The following EPC1 variants were observed in gnomAD, a reference collection of about 807,000 sequenced individuals.
EPC1 encodes the protein enhancer of polycomb homolog 1.
EPC1 carries 12 observed loss-of-function variants against 98.4 expected under a neutral mutation model. The ratio of observed to expected loss-of-function variants is 0.12; its 90% CI spans 0.08 to 0.20. The LOEUF (loss-of-function observed/expected upper bound fraction) is 0.20. Among genes scored for constraint, EPC1 ranks in the 10% least tolerant of loss-of-function variants. The pLI is 1.00. For missense variants in EPC1, 729 were observed against 990.5 expected (o/e 0.74, Z 3.54); for synonymous variants, 357 against 363.9 (o/e 0.98, Z 0.21).
intron 1 of EPC1, chr10:32,345,041 CCAA>C: frequency 1.5e-6 from 1 of 679,298 alleles, no homozygotes; most frequent in Non-Finnish European, 1.8e-6. Flanking sequence ...CAGGGTAAAA[CCAA>C]CACCCCAATA....
At chr10:32,364,001 CATTTTTTTTTTTTTTTTTT>C (rs1839521375) in intron 1 of EPC1, among the ~76,000 whole-genome samples, 2 of 61,840 alleles carry the variant, frequency 3.2e-5, no homozygotes, top group Non-Finnish European at 3.1e-5. Flanking sequence ...ATCATGTTGG[CATTTTTTTTTTTTTTTTTT>C]TTTTTTTTTT....
chr10:32,308,771 C>G (rs1836024598), intron 1 of EPC1, among the ~76,000 whole-genome samples: 1 of 152,190 alleles, frequency 6.6e-6, no homozygotes, highest in Non-Finnish European at 1.5e-5. Context: ...ATTCAGCAAT[C>G]TCACTGCTAG....
At chr10:32,288,403 C>T (rs1836812824) in intron 6 of EPC1, among the ~76,000 whole-genome samples, 1 of 151,020 alleles carries the variant, frequency 6.6e-6, no homozygotes, top group Admixed American at 6.6e-5. Context: ...CAATCTCCGC[C>T]TCCCAGGTTC....
intron 1 of EPC1, among the ~76,000 whole-genome samples, chr10:32,325,622 G>A (rs1285493073): frequency 6.6e-6 from 1 of 152,156 alleles, no homozygotes; most frequent in Non-Finnish European, 1.5e-5. Flanking sequence ...TAATATTTAA[G>A]ATGTTCCCTA....
At chr10:32,311,535 A>C (rs1325969157) in intron 1 of EPC1, among the ~76,000 whole-genome samples, 1 of 149,668 alleles carries the variant, frequency 6.7e-6, no homozygotes, top group Admixed American at 6.6e-5. Context: ...AAAAAAAAAC[A>C]ACAAAAACCT....
intron 1 of EPC1, among the ~76,000 whole-genome samples, chr10:32,313,679 A>C (rs1836378652): frequency 6.6e-6 from 1 of 152,130 alleles, no homozygotes; most frequent in South Asian, 2.1e-4. Context: ...TCACCTGAGG[A>C]GTTTGAGACC....
At chr10:32,337,033 A>AT (rs987907179) in intron 1 of EPC1, among the ~76,000 whole-genome samples, 1 of 152,026 alleles carries the variant, frequency 6.6e-6, no homozygotes, top group African/African-American at 2.4e-5. Flanking sequence ...ATGCCTGATA[A>AT]TTTTTTATTG....
chr10:32,284,718 C>T lies in EPC1; in HGVS notation c.1724G>A (p.Ser575Asn). Reference sequence around the variant, plus strand: ...CATACCAAAGTGTGCTGAACCACTGCTACTTTTACTTTGCGTAGAGGTACT... The same window carrying T: ...CATACCAAAGTGTGCTGAACCACTGTTACTTTTACTTTGCGTAGAGGTACT... ...TCSTSTQSKS[S>N]SGSAHFAFTA... The change falls in exon 10 of 14, where the codon AGC (serine) becomes AAC (asparagine). Residue 575 changes from serine (S) to asparagine (N), a missense_variant. Transcript: ENST00000319778. The T allele has an allele frequency of 6.2e-7, 1 of 1,612,992 alleles. No homozygotes were observed. The highest frequency in any genetic ancestry group is 8.5e-7 in the Non-Finnish European group (1 of 1,179,182).
chr10:32,326,521 C>G (rs116745796), intron 1 of EPC1, among the ~76,000 whole-genome samples: 1,779 of 152,192 alleles, frequency 0.012, 37 homozygotes, highest in African/African-American at 0.041. Flanking sequence ...GTTATCACAG[C>G]ATATCCTAGT....
chr10:32,323,110 A>G (rs1459127148), intron 1 of EPC1, among the ~76,000 whole-genome samples: 2 of 39,160 alleles, frequency 5.1e-5, no homozygotes, highest in East Asian at 5.0e-3. Flanking sequence ...CCCTGTAAAT[A>G]TGTACTATTA....
intron 2 of EPC1, among the ~76,000 whole-genome samples, chr10:32,299,266 A>T (rs755235842): frequency 6.6e-6 from 1 of 152,006 alleles, no homozygotes; most frequent in Non-Finnish European, 1.5e-5. Context: ...GTTCACTGCA[A>T]CCTCTGCCTC....
intron 10 of EPC1, among the ~76,000 whole-genome samples, chr10:32,276,887 A>G (rs1480019760): frequency 8.5e-5 from 13 of 152,200 alleles, no homozygotes; most frequent in Non-Finnish European, 1.8e-4. Context: ...TAATTCCCAC[A>G]AAGGTGGACA....
chr10:32,331,777 A>T (rs539097873), intron 1 of EPC1, among the ~76,000 whole-genome samples: 2 of 152,252 alleles, frequency 1.3e-5, no homozygotes, highest in Non-Finnish European at 2.9e-5. Context: ...ACATAAGTTT[A>T]TAAGTGTTTG....
chr10:32,355,035 A>G (rs1300810855), intron 1 of EPC1, among the ~76,000 whole-genome samples: 1 of 152,204 alleles, frequency 6.6e-6, no homozygotes, highest in Non-Finnish European at 1.5e-5. Flanking sequence ...ATAATAATAG[A>G]AAGAAAGTGC....
intron 1 of EPC1, among the ~76,000 whole-genome samples, chr10:32,327,960 T>C (rs976215181): frequency 2.6e-5 from 4 of 152,194 alleles, no homozygotes; most frequent in Non-Finnish European, 5.9e-5. Context: ...GTTGGTTGTT[T>C]TGACTGTGTT....
intron 1 of EPC1, among the ~76,000 whole-genome samples, chr10:32,358,964 A>G (rs1186741380): frequency 3.3e-5 from 5 of 152,224 alleles, no homozygotes; most frequent in Admixed American, 2.0e-4. Flanking sequence ...TAAGATAGGT[A>G]GAGGCTCACC....
chr10:32,356,903 C>T (rs1839296103), intron 1 of EPC1, among the ~76,000 whole-genome samples: 1 of 152,148 alleles, frequency 6.6e-6, no homozygotes, highest in Non-Finnish European at 1.5e-5. Flanking sequence ...ATGGCGTGAA[C>T]CCGGGAGGCG....
chr10:32,291,542 C>T (rs900356152), intron 5 of EPC1: 2 of 344,442 alleles, frequency 5.8e-6, no homozygotes, highest in African/African-American at 2.1e-5. Context: ...CCATGCTGTA[C>T]ATTAGGTCTC....
chr10:32,373,842 C>T (rs1839815997), intron 1 of EPC1, among the ~76,000 whole-genome samples: 1 of 152,198 alleles, frequency 6.6e-6, no homozygotes, highest in Non-Finnish European at 1.5e-5. Flanking sequence ...ACCTAGAACT[C>T]ACTTGCCACC....
Sources: allele counts gnomAD v4.1 joint callset (sites outside exome capture counted in the v4.1 genomes callset), GRCh38; gene constraint gnomAD v4.1.1; transcripts MANE v1.5; gene names NCBI Gene and HGNC (gene_info 2026-07-23, HGNC 2026-07-21).